The following TAMM41 variants were observed in gnomAD, a reference collection of about 807,000 sequenced individuals.
TAMM41 encodes the protein phosphatidate cytidylyltransferase, mitochondrial.
Under a neutral mutation model 44.1 loss-of-function variants are expected in TAMM41, and 36 were observed. That is an observed-to-expected ratio of 0.82 (90% CI 0.63 to 1.08). The LOEUF (loss-of-function observed/expected upper bound fraction) is 1.08, where lower values mean the gene tolerates loss of function less well. Ranked by LOEUF, TAMM41 falls within the 50% of genes least tolerant of loss-of-function variation. The probability of loss-of-function intolerance (pLI) is 0.00; values close to 1 mark genes in which losing one functional copy is unlikely to be tolerated. For synonymous variants in TAMM41, 164 were observed against 153.1 expected, an observed-to-expected ratio of 1.07 and a Z score of -0.53; for missense variants, 417 against 404.3, an observed-to-expected ratio of 1.03 and a Z score of -0.27.
chr3:11,780,730 C>T, the TAMM41 span, among the ~76,000 whole-genome samples: 1 of 152,138 alleles, frequency 6.6e-6, no homozygotes, highest in Non-Finnish European at 1.5e-5. Flanking sequence ...CCTATAGTTA[C>T]CCCTGTAATT....
At chr3:11,843,268 C>A (rs1167004376) in intron 2 of TAMM41, among the ~76,000 whole-genome samples, 2 of 152,202 alleles carry the variant, frequency 1.3e-5, no homozygotes, top group African/African-American at 4.8e-5. Context: ...AGACCAGCAG[C>A]TTCAGCACTG....
At chr3:11,776,826 A>G in the TAMM41 span, among the ~76,000 whole-genome samples, 5 of 152,356 alleles carry the variant, frequency 3.3e-5, no homozygotes, top group African/African-American at 9.6e-5. Flanking sequence ...ACCATAAAAG[A>G]GAAAGAAATC....
At chr3:11,807,404 C>G in intron 7 of TAMM41, 1 of 1,526,924 alleles carries the variant, frequency 6.5e-7, no homozygotes, top group Non-Finnish European at 8.7e-7. Flanking sequence ...GAAGGAGCAA[C>G]GAAAACTTAC....
At chr3:11,813,658 A>G (rs969895344) in intron 5 of TAMM41, among the ~76,000 whole-genome samples, 1 of 151,936 alleles carries the variant, frequency 6.6e-6, no homozygotes, top group African/African-American at 2.4e-5. Context: ...TTCTTTAAAA[A>G]CAGGCCAGAG....
chr3:11,744,511 A>G, the TAMM41 span, among the ~76,000 whole-genome samples: 1 of 151,940 alleles, frequency 6.6e-6, no homozygotes, highest in African/African-American at 2.4e-5. Flanking sequence ...CCTGGCCAAC[A>G]TGGTGAAACC....
intron 3 of TAMM41, among the ~76,000 whole-genome samples, chr3:11,835,240 G>C (rs2079130516): frequency 6.6e-6 from 1 of 151,914 alleles, no homozygotes; most frequent in Admixed American, 6.6e-5. Context: ...GCCACCTAGA[G>C]GCACAGATAG....
the TAMM41 span, among the ~76,000 whole-genome samples, chr3:11,778,655 G>A: frequency 4.6e-5 from 7 of 151,598 alleles, no homozygotes; most frequent in Non-Finnish European, 1.0e-4. Context: ...AAAAAACATC[G>A]GAAAATGACT....
downstream of TAMM41, among the ~76,000 whole-genome samples, chr3:11,790,005 A>G (rs1416513043): frequency 2.0e-5 from 3 of 152,188 alleles, no homozygotes; most frequent in Admixed American, 2.0e-4. Flanking sequence ...CTAACCCAAA[A>G]GTCACTGCCA....
rs2077507971 is a variant in TAMM41, at chr3:11,792,685, G to GA, written c.938-2105dup. Among the ~76,000 whole-genome samples, 7 of 152,068 alleles carry GA rather than the reference G, an allele frequency of 4.6e-5. No homozygotes were observed. In the South Asian group the frequency reaches 1.5e-3, roughly 32 times the overall value. On this transcript the variant is annotated intron_variant, in intron 7 of 7. Coordinates refer to ENST00000455809, the MANE Select transcript of TAMM41 (RefSeq NM_001284401.2). ...GAATAGGCAAAAATTTTCTAAACAG[G>GA]ACACAAAAAACTGCTAAACATATAG...
the TAMM41 span, among the ~76,000 whole-genome samples, chr3:11,753,534 C>G: frequency 6.6e-6 from 1 of 151,122 alleles, no homozygotes; most frequent in East Asian, 1.9e-4. Context: ...ACCATCCTGG[C>G]TAACATGGTG....
the TAMM41 span, among the ~76,000 whole-genome samples, chr3:11,754,708 CTTTTTTTT>C: frequency 9.7e-5 from 10 of 103,548 alleles, no homozygotes; most frequent in African/African-American, 1.1e-4. Context: ...TCTCAGATCT[CTTTTTTTT>C]TTTTTTTTTT....
chr3:11,758,722 A>G, the TAMM41 span, among the ~76,000 whole-genome samples: 1 of 149,322 alleles, frequency 6.7e-6, no homozygotes, highest in South Asian at 2.1e-4. Context: ...TGCCCAGGCT[A>G]GAGTGCAGTG....
intron 3 of TAMM41, among the ~76,000 whole-genome samples, chr3:11,831,299 C>G (rs1438371579): frequency 1.3e-5 from 2 of 152,204 alleles, no homozygotes; most frequent in Non-Finnish European, 2.9e-5. Context: ...AGTTCTTAAG[C>G]AATGCCCAGG....
At chr3:11,792,458 T>C (rs2077502296) in intron 7 of TAMM41, among the ~76,000 whole-genome samples, 1 of 152,176 alleles carries the variant, frequency 6.6e-6, no homozygotes, top group Admixed American at 6.5e-5. Flanking sequence ...TGAGTGTCTG[T>C]GAACTCCCTA....
At chr3:11,809,328 C>T (rs2078016133) in intron 6 of TAMM41, 189 bp downstream of exon 6, 1 of 615,560 alleles carries the variant, frequency 1.6e-6, no homozygotes, top group South Asian at 2.2e-5. Flanking sequence ...GAAGTATTTT[C>T]ACCATCTTAC....
intron 7 of TAMM41, among the ~76,000 whole-genome samples, chr3:11,794,680 T>C (rs560900729): frequency 2.0e-5 from 3 of 152,188 alleles, no homozygotes; most frequent in Admixed American, 6.5e-5. Context: ...TTCCAGCTTG[T>C]TTCACATGAC....
At chr3:11,792,324 C>A (rs997877876) in intron 7 of TAMM41, among the ~76,000 whole-genome samples, 1 of 152,196 alleles carries the variant, frequency 6.6e-6, no homozygotes, top group African/African-American at 2.4e-5. Context: ...GAGACCTGGA[C>A]TCTAGTTCCA....
At chr3:11,804,281 A>G (rs2077836962) in intron 7 of TAMM41, among the ~76,000 whole-genome samples, 1 of 152,160 alleles carries the variant, frequency 6.6e-6, no homozygotes, top group Non-Finnish European at 1.5e-5. Context: ...TTATTAGAGA[A>G]AAATTCAAAC....
At chr3:11,795,225 C>G (rs1008050129) in intron 7 of TAMM41, among the ~76,000 whole-genome samples, 3 of 152,008 alleles carry the variant, frequency 2.0e-5, no homozygotes, top group Admixed American at 2.0e-4. Flanking sequence ...GGTATTTGTC[C>G]CCAGAGTTAA....
Sources: gnomAD v4.1 joint callset for allele counts (sites outside exome capture counted in the v4.1 genomes callset) on GRCh38, gnomAD v4.1.1 for gene constraint, MANE v1.5 for transcripts, NCBI Gene and HGNC (gene_info 2026-07-23, HGNC 2026-07-21) for gene names.